PTPRT: variants seen among roughly 807,000 people sequenced by gnomAD.
PTPRT encodes the protein protein tyrosine phosphatase receptor type T.
In PTPRT, 56 loss-of-function variants were observed where a neutral mutation model predicts 176.8. The ratio of observed to expected loss-of-function variants is 0.32; its 90% confidence interval spans 0.26 to 0.40. The LOEUF (loss-of-function observed/expected upper bound fraction) is 0.40. PTPRT is among the 10% of genes least tolerant of loss of function. The probability of loss-of-function intolerance (pLI) is 1.00; values close to 1 mark genes in which losing one functional copy is unlikely to be tolerated. For missense variants in PTPRT, 1,540 were observed against 1,908.2 expected (o/e 0.81, Z 3.60); for synonymous variants, 783 against 739.0 (o/e 1.06, Z -0.96).
At chr20:43,083,571 C>G (rs963682299) in intron 1 of PTPRT, among the ~76,000 whole-genome samples, 11 of 151,630 alleles carry the variant, frequency 7.3e-5, no homozygotes, top group Non-Finnish European at 1.3e-4. Flanking sequence ...GTTCGGCAGG[C>G]TGGTCTCAAA....
intron 17 of PTPRT, among the ~76,000 whole-genome samples, chr20:42,150,294 AT>A (rs1476965813): frequency 6.6e-6 from 1 of 152,146 alleles, no homozygotes; most frequent in Non-Finnish European, 1.5e-5. Context: ...AGATTCTGTC[AT>A]TTGCAATGCC....
intron 1 of PTPRT, among the ~76,000 whole-genome samples, chr20:43,180,341 A>ATCAATCTCTCTCTCTCTC (rs372896995): frequency 3.5e-5 from 4 of 115,018 alleles, no homozygotes; most frequent in African/African-American, 1.4e-4. Flanking sequence ...AAATGAATCA[A>ATCAATCTCTCTCTCTCTC]TCTCTCTCTC....
intron 2 of PTPRT, among the ~76,000 whole-genome samples, chr20:42,809,932 A>G (rs1052277002): frequency 8.5e-5 from 13 of 152,122 alleles, no homozygotes; most frequent in African/African-American, 3.1e-4. Flanking sequence ...CAACCCCACT[A>G]CAACTACACT....
At chr20:42,596,832 G>A (rs1255366194) in intron 7 of PTPRT, among the ~76,000 whole-genome samples, 3 of 152,214 alleles carry the variant, frequency 2.0e-5, no homozygotes, top group African/African-American at 7.2e-5. Context: ...AACAGCAGGT[G>A]TTGACAAAAA....
At chr20:43,059,268 A>G (rs1192811962) in intron 1 of PTPRT, among the ~76,000 whole-genome samples, 2 of 152,088 alleles carry the variant, frequency 1.3e-5, no homozygotes, top group Admixed American at 6.5e-5. Context: ...AATTTTTCAA[A>G]TCTCTAAGTT....
At chr20:42,905,677 T>A (rs186726817) in intron 1 of PTPRT, among the ~76,000 whole-genome samples, 19 of 152,116 alleles carry the variant, frequency 1.2e-4, no homozygotes, top group African/African-American at 3.1e-4. Context: ...CAAATGTCCA[T>A]CAATGATAGA....
At chr20:42,663,154 G>A (rs557266711) in intron 7 of PTPRT, among the ~76,000 whole-genome samples, 17 of 152,084 alleles carry the variant, frequency 1.1e-4, no homozygotes, top group African/African-American at 3.1e-4. Flanking sequence ...AGAATGAGCC[G>A]CCCTCCCCCA....
At chr20:42,043,908 C>T in the PTPRT span, among the ~76,000 whole-genome samples, 7 of 152,216 alleles carry the variant, frequency 4.6e-5, no homozygotes, top group East Asian at 1.9e-4. Context: ...AAGTGAGAGA[C>T]GTAAAAGGCC....
chr20:42,574,204 T>C (rs1421260131), intron 7 of PTPRT, among the ~76,000 whole-genome samples: 1 of 152,050 alleles, frequency 6.6e-6, no homozygotes, highest in Non-Finnish European at 1.5e-5. Context: ...ACACTCAGAG[T>C]TTACAGTCAA....
At chr20:42,951,696 T>C (rs569502109) in intron 1 of PTPRT, among the ~76,000 whole-genome samples, 3 of 152,262 alleles carry the variant, frequency 2.0e-5, no homozygotes, top group South Asian at 2.1e-4. Flanking sequence ...TGAGAGCTGA[T>C]GGTAGCTTGG....
chr20:42,518,142 TCA>T (rs2072103586), intron 7 of PTPRT, among the ~76,000 whole-genome samples: 1 of 152,078 alleles, frequency 6.6e-6, no homozygotes, highest in African/African-American at 2.4e-5. Flanking sequence ...GGTTATATCT[TCA>T]GGATGAATTT....
intron 2 of PTPRT, among the ~76,000 whole-genome samples, chr20:42,830,641 G>A (rs2078068617): frequency 6.6e-6 from 1 of 152,076 alleles, no homozygotes; most frequent in Admixed American, 6.6e-5. Flanking sequence ...CAAATAGTAA[G>A]ATAGGAAGTC....
At chr20:42,304,132 G>A (rs1443813864) in intron 12 of PTPRT, among the ~76,000 whole-genome samples, 1 of 152,130 alleles carries the variant, frequency 6.6e-6, no homozygotes, top group Non-Finnish European at 1.5e-5. Flanking sequence ...CCGTAAGTAC[G>A]ACATTCCCAA....
In PTPRT at chr20:42,104,721, G is replaced by T. The variant is rs769174639; in HGVS notation, c.3391-3C>A. 2.0e-5 allele frequency: 31 copies of T among 1,570,740 alleles called. No individual in the cohort carries two copies. In the South Asian group the frequency reaches 3.4e-4, roughly 17 times the overall value. ...TCGTGCACAAACACATATTGCTCCTGCAAAGTCAGAAGAGAGGGAATGGGG... is the reference window on the plus strand; with the variant it reads ...TCGTGCACAAACACATATTGCTCCTTCAAAGTCAGAAGAGAGGGAATGGGG... On this transcript the variant is annotated splice_region_variant and splice_polypyrimidine_tract_variant and intron_variant, in intron 24 of 30. Coordinates refer to ENST00000373187, the MANE Select transcript of PTPRT (RefSeq NM_007050.6).
At chr20:42,102,427 C>T (rs1355511033) in intron 25 of PTPRT, 130 bp from the exon 26 acceptor site, 17 of 981,782 alleles carry the variant, frequency 1.7e-5, no homozygotes, top group Non-Finnish European at 2.5e-5. Flanking sequence ...CTCTCCCTTT[C>T]CCGGGACCCA....
chr20:42,903,359 G>A (rs1400304061), intron 1 of PTPRT, among the ~76,000 whole-genome samples: 1 of 152,218 alleles, frequency 6.6e-6, no homozygotes, highest in African/African-American at 2.4e-5. Flanking sequence ...GCTGCAAAAT[G>A]CTATGCATGC....
At chr20:43,175,146 C>T (rs778092879) in intron 1 of PTPRT, among the ~76,000 whole-genome samples, 8 of 152,184 alleles carry the variant, frequency 5.3e-5, no homozygotes, top group African/African-American at 1.4e-4. Context: ...CTCTGGGATG[C>T]GAGGAAGTCT....
intron 9 of PTPRT, among the ~76,000 whole-genome samples, chr20:42,414,294 G>T (rs749387398): frequency 6.6e-6 from 1 of 152,164 alleles, no homozygotes; most frequent in African/African-American, 2.4e-5. Flanking sequence ...AATGACAAAA[G>T]AGAAAAGTAT....
chr20:42,821,618 G>T (rs2077895507), intron 2 of PTPRT, among the ~76,000 whole-genome samples: 1 of 152,062 alleles, frequency 6.6e-6, no homozygotes, highest in Admixed American at 6.6e-5. Context: ...AGGAAGTCAA[G>T]TTGTCTCTGT....
Sources: gnomAD v4.1 joint callset for allele counts (sites outside exome capture counted in the v4.1 genomes callset) on GRCh38, gnomAD v4.1.1 for gene constraint, MANE v1.5 for transcripts, NCBI Gene and HGNC (gene_info 2026-07-23, HGNC 2026-07-21) for gene names.